PBRM1: variants seen among roughly 807,000 people sequenced by gnomAD.
The protein encoded by PBRM1 is protein polybromo-1.
A neutral mutation model predicts 194.5 loss-of-function variants in PBRM1; 27 were observed. The ratio of observed to expected loss-of-function variants is 0.14; its 90% confidence interval spans 0.10 to 0.19. The LOEUF (loss-of-function observed/expected upper bound fraction) is 0.19, where lower values mean the gene tolerates loss of function less well. Ranked by LOEUF, PBRM1 falls within the 10% of genes least tolerant of loss-of-function variation. The pLI is 1.00. For synonymous variants in PBRM1, 655 were observed against 693.2 expected (o/e 0.94, Z 0.87); for missense variants, 1,466 against 2,077.2 (o/e 0.71, Z 5.72).
At chr3:52,676,712 A>G (rs542114937) in intron 2 of PBRM1, among the ~76,000 whole-genome samples, 1 of 152,326 alleles carries the variant, frequency 6.6e-6, no homozygotes, top group Admixed American at 6.5e-5. Flanking sequence ...AACAGTTTGG[A>G]GGGCTCAGAA....
At chr3:52,658,381 C>T in intron 4 of PBRM1, 66 bp from the exon 6 acceptor site, 1 of 797,948 alleles carries the variant, frequency 1.3e-6, no homozygotes. Flanking sequence ...TACATAGCTT[C>T]TAAAATTGTA....
exon 17 of PBRM1, chr3:52,603,529 T>C (rs1375307569): frequency 6.3e-7 from 1 of 1,596,632 alleles, no homozygotes; most frequent in Admixed American, 1.7e-5. Flanking sequence ...ACCTCTTTTT[T>C]CTTCTTCTCG....
chr3:52,656,614 A>C (rs1453535150), intron 5 of PBRM1, among the ~76,000 whole-genome samples: 2 of 152,214 alleles, frequency 1.3e-5, no homozygotes, highest in African/African-American at 4.8e-5. Flanking sequence ...GCAGTGAGCC[A>C]AGATCACGCC....
chr3:52,616,369 T>C (rs1239138364), intron 14 of PBRM1, among the ~76,000 whole-genome samples: 2 of 152,328 alleles, frequency 1.3e-5, no homozygotes, highest in East Asian at 1.9e-4. Flanking sequence ...AGGGAGACTG[T>C]ATCTCAGTTA....
intron 22 of PBRM1, among the ~76,000 whole-genome samples, chr3:52,569,273 C>A (rs982921065): frequency 6.6e-6 from 1 of 150,744 alleles, no homozygotes; most frequent in South Asian, 2.1e-4. Flanking sequence ...TGCAGTGGCG[C>A]GATCTCGGTT....
In PBRM1 at chr3:52,627,377, C is replaced by T; in HGVS notation, c.1444-7G>A. The T allele has an allele frequency of 6.3e-7, 1 of 1,579,954 alleles. No homozygotes were observed. Among genetic ancestry groups the T allele is most frequent in the Non-Finnish European group, 8.7e-7 (1 of 1,149,048 alleles). Reference sequence around the variant, plus strand: ...CAAGCTCTTTCTTCTTTGCCTAAAACAGAGCAGATCTCAGGAGTTGAGCTC... The same window carrying T: ...CAAGCTCTTTCTTCTTTGCCTAAAATAGAGCAGATCTCAGGAGTTGAGCTC... On this transcript the variant is annotated splice_region_variant and splice_polypyrimidine_tract_variant and intron_variant, in intron 12 of 29. Coordinates refer to ENST00000296302, the Ensembl canonical transcript of PBRM1.
intron 17 of PBRM1, among the ~76,000 whole-genome samples, chr3:52,596,268 T>C (rs2093530554): frequency 6.6e-6 from 1 of 150,962 alleles, no homozygotes; most frequent in South Asian, 2.1e-4. Flanking sequence ...TGAAACCCCG[T>C]CTCTACTAAA....
In PBRM1 at chr3:52,662,735, AGAATCACTT is replaced by A. The variant is rs1461559253; in HGVS notation, c.385-468_385-460del. On this transcript the variant is annotated intron_variant, in intron 3 of 29. Coordinates refer to ENST00000296302, the Ensembl canonical transcript of PBRM1. ...CAGCTACTTGGGAGGCTGAGGCAGG[AGAATCACTT>A]GAACCAGAGAGGCAGAGGTTGCAGT... Among the ~76,000 whole-genome samples, 15 of 151,742 alleles carry A rather than the reference AGAATCACTT, an allele frequency of 9.9e-5. No individual in the cohort carries two copies. The South Asian group carries it at 1.0e-3, about 11-fold the overall frequency.
At chr3:52,588,717 G>C (rs2092713219) in intron 18 of PBRM1, among the ~76,000 whole-genome samples, 1 of 151,910 alleles carries the variant, frequency 6.6e-6, no homozygotes, top group South Asian at 2.1e-4. Flanking sequence ...ACCAGGCCCA[G>C]CTCATTTTTT....
intron 22 of PBRM1, among the ~76,000 whole-genome samples, chr3:52,574,845 T>C (rs1048489586): frequency 6.6e-6 from 1 of 152,228 alleles, no homozygotes; most frequent in African/African-American, 2.4e-5. Flanking sequence ...GTCAAATCAC[T>C]GGCTGATCAC....
At chr3:52,572,289 G>A (rs936282179) in intron 22 of PBRM1, among the ~76,000 whole-genome samples, 1 of 152,126 alleles carries the variant, frequency 6.6e-6, no homozygotes, top group African/African-American at 2.4e-5. Context: ...CATGTTTCAA[G>A]AGCCCAGGTT....
chr3:52,592,172 C>T (rs1308392012), intron 17 of PBRM1, among the ~76,000 whole-genome samples: 1 of 139,520 alleles, frequency 7.2e-6, no homozygotes, highest in Non-Finnish European at 1.5e-5. Flanking sequence ...CTCGCTCTGT[C>T]GCCCAGGCTG....
At chr3:52,670,688 G>A (rs922829893) in intron 2 of PBRM1, among the ~76,000 whole-genome samples, 4 of 152,172 alleles carry the variant, frequency 2.6e-5, no homozygotes, top group African/African-American at 9.7e-5. Flanking sequence ...CTAAGCTGCT[G>A]CATGGCTACT....
At chr3:52,618,454 C>T (rs901446691) in intron 13 of PBRM1, among the ~76,000 whole-genome samples, 22 of 152,174 alleles carry the variant, frequency 1.4e-4, no homozygotes, top group African/African-American at 5.3e-4. Flanking sequence ...TCCGATATGG[C>T]TTCCGGTTAA....
At chr3:52,647,457 A>AAAAAATATAT (rs1560745545) in intron 7 of PBRM1, among the ~76,000 whole-genome samples, 1 of 47,878 alleles carries the variant, frequency 2.1e-5, no homozygotes, top group Non-Finnish European at 3.5e-5. Context: ...AAAAAAAAAA[A>AAAAAATATAT]ATATATATAT....
rs9864989 is a variant in PBRM1, at chr3:52,650,349, G to T, written c.714+1393C>A. On this transcript the variant is annotated intron_variant, in intron 6 of 29. Coordinates refer to ENST00000296302, the Ensembl canonical transcript of PBRM1. ...ACTGCACTCCAGCCTGGGTGACAGG[G>T]CAAGACTGTCTCAAAAAAAAAAAAA... is the stretch of plus-strand genomic sequence containing the variant. Among the ~76,000 whole-genome samples the T allele has an allele frequency of 9.1e-3, 1,126 of 123,210 alleles. 19 individuals carry two copies. The highest frequency in any genetic ancestry group is 0.036 in the African/African-American group (1,080 of 30,418). 80.8% of individuals were successfully genotyped at this position (123,210 alleles called of 152,430 possible).
chr3:52,624,956 A>C lies in PBRM1; in HGVS notation c.1541+2317T>G. 2 of 1,535,916 alleles carry C rather than the reference A, an allele frequency of 1.3e-6. No individual in the cohort carries two copies. The highest frequency in any genetic ancestry group is 1.8e-6 in the Non-Finnish European group (2 of 1,133,586). Reference sequence around the variant, plus strand: ...CATGAGTGTTCCTGGGAAAGCAGAAACAAACATTACATGTAAAGAGAAACA... The same window carrying C: ...CATGAGTGTTCCTGGGAAAGCAGAACCAAACATTACATGTAAAGAGAAACA... On this transcript the variant is annotated intron_variant, in intron 13 of 29. Transcript: ENST00000296302.
At chr3:52,683,564 A>G (rs1478701663), upstream of PBRM1, among the ~76,000 whole-genome samples, 1 of 152,110 alleles carries the variant, frequency 6.6e-6, no homozygotes. Context: ...CTGTAATCCC[A>G]GCAATTTAGG....
At chr3:52,557,754 C>G (rs2082516533) in intron 26 of PBRM1, among the ~76,000 whole-genome samples, 1 of 152,028 alleles carries the variant, frequency 6.6e-6, no homozygotes, top group African/African-American at 2.4e-5. Flanking sequence ...CAGTCATGCA[C>G]ATTGGTGACC....
Sources: allele counts gnomAD v4.1 joint callset (sites outside exome capture counted in the v4.1 genomes callset), GRCh38; gene constraint gnomAD v4.1.1; transcripts MANE v1.5; gene names NCBI Gene and HGNC (gene_info 2026-07-23, HGNC 2026-07-21).